The following CFAP54 variants were observed in gnomAD, a reference collection of about 807,000 sequenced individuals.
The protein encoded by CFAP54 is cilia- and flagella-associated protein 54.
A neutral mutation model predicts 370.4 loss-of-function variants in CFAP54; 290 were observed. The observed-to-expected ratio is 0.78, with a 90% CI of 0.71 to 0.86. The LOEUF (loss-of-function observed/expected upper bound fraction) is 0.86. Ranked by LOEUF, CFAP54 falls within the 40% of genes least tolerant of loss-of-function variation. The probability of loss-of-function intolerance (pLI) is 0.00; values close to 1 mark genes in which losing one functional copy is unlikely to be tolerated. For missense variants in CFAP54, 3,399 were observed against 3,528.7 expected, an observed-to-expected ratio of 0.96 and a Z score of 0.93; for synonymous variants, 1,206 against 1,236.5, an observed-to-expected ratio of 0.98 and a Z score of 0.52.
At chr12:96,628,745 C>T (rs1015248396) in intron 30 of CFAP54, among the ~76,000 whole-genome samples, 1 of 152,006 alleles carries the variant, frequency 6.6e-6, no homozygotes, top group Admixed American at 6.6e-5. Context: ...AAAACTGGAG[C>T]GAAGGGACCA....
At chr12:96,782,114 G>A (rs540214869) in intron 60 of CFAP54, among the ~76,000 whole-genome samples, 1 of 152,002 alleles carries the variant, frequency 6.6e-6, no homozygotes, top group East Asian at 1.9e-4. Flanking sequence ...TCAAATAGGT[G>A]CAGAAAAATT....
intron 65 of CFAP54, among the ~76,000 whole-genome samples, chr12:96,826,125 C>A (rs1959099365): frequency 6.9e-6 from 1 of 145,228 alleles, no homozygotes; most frequent in Non-Finnish European, 1.5e-5. Context: ...AATAACTAAG[C>A]AATACTGGTT....
intron 27 of CFAP54, among the ~76,000 whole-genome samples, chr12:96,623,153 G>A (rs1382786720): frequency 6.6e-6 from 1 of 150,622 alleles, no homozygotes; most frequent in African/African-American, 2.4e-5. Flanking sequence ...AATTATTAGA[G>A]CTACTCAAGG....
intron 36 of CFAP54, among the ~76,000 whole-genome samples, chr12:96,653,849 A>G (rs533034846): frequency 6.7e-6 from 1 of 148,848 alleles, no homozygotes; most frequent in Non-Finnish European, 1.5e-5. Flanking sequence ...AATTAAATCT[A>G]GTATACTCAT....
intron 39 of CFAP54, among the ~76,000 whole-genome samples, chr12:96,664,667 A>G (rs1418463622): frequency 1.5e-5 from 2 of 134,946 alleles, no homozygotes; most frequent in East Asian, 4.1e-4. Context: ...TCTTTATAAT[A>G]GAACAATTTA....
At chr12:96,567,280 G>C (rs1326189191) in intron 19 of CFAP54, among the ~76,000 whole-genome samples, 1 of 152,188 alleles carries the variant, frequency 6.6e-6, no homozygotes. Context: ...TGGGGGAGAG[G>C]ATAGTAGCAC....
At position 96,629,604 on chromosome 12, in the gene CFAP54, C is replaced by T. The variant is rs144933643; in HGVS notation, c.4104-489C>T. Among the ~76,000 whole-genome samples, 573 of 152,166 alleles carry T rather than the reference C, an allele frequency of 3.8e-3. 4 individuals carry two copies. Among genetic ancestry groups the T allele is most frequent in the African/African-American group, 0.012 (514 of 41,502 alleles). The stretch of plus-strand genomic sequence containing the variant: ...CTGGGATTACAGACGTGAGCCACCA[C>T]GCCTGGCCTATACATTGTATAATAT... On this transcript the variant is annotated intron_variant, in intron 30 of 67. Transcript: ENST00000524981.
rs1375417093 is a variant in CFAP54 at position 96,598,724 on chromosome 12, G to A, written c.3596G>A (p.Ser1199Asn). 3 of 678,314 alleles carry A rather than the reference G, an allele frequency of 4.4e-6. No homozygotes were observed. Among genetic ancestry groups the A allele is most frequent in the East Asian group, 2.7e-5 (1 of 36,770 alleles). 42.0% of individuals were successfully genotyped at this position (678,314 alleles called of 1,614,324 possible). ...CSKKHTASFE[S>N]IQHMIACCIF... ...AAGAAACATACTGCGAGCTTTGAAA[G>A]TATACAACACATGATAGCTTGTTGT... The change falls in exon 26 of 68, where the codon AGT becomes AAT. Residue 1199 changes from serine to asparagine, a missense_variant. Ser to Asn is a conservative substitution (Grantham distance 46). This residue lies in a region of CFAP54 where 2,796 missense variants were observed against 2,869.7 expected (regional missense o/e 0.97). Coordinates refer to ENST00000524981, the MANE Select transcript of CFAP54 (RefSeq NM_001306084.2).
chr12:96,834,112 T>C (rs925040014), intron 66 of CFAP54, among the ~76,000 whole-genome samples: 5 of 151,680 alleles, frequency 3.3e-5, no homozygotes, highest in African/African-American at 1.2e-4. Context: ...CTGCAGGGAG[T>C]TGAGGAGTAA....
intron 65 of CFAP54, among the ~76,000 whole-genome samples, chr12:96,827,532 G>A (rs199620834): frequency 2.3e-4 from 1 of 4,272 alleles, no homozygotes; most frequent in Non-Finnish European, 2.9e-4. Flanking sequence ...ATAGTGTGCA[G>A]TTATATGTGA....
At chr12:96,693,902 G>C in intron 45 of CFAP54, 94 bp downstream of exon 45, 2 of 745,516 alleles carry the variant, frequency 2.7e-6, no homozygotes, top group Non-Finnish European at 4.3e-6. Flanking sequence ...ATAACAAGCT[G>C]ATAATAACAT....
chr12:96,719,152 G>C (rs1214199942), intron 49 of CFAP54, among the ~76,000 whole-genome samples: 1 of 152,032 alleles, frequency 6.6e-6, no homozygotes, highest in African/African-American at 2.4e-5. Flanking sequence ...GCTTTTGCAT[G>C]ATTATTTAAT....
chr12:96,609,564 A>C (rs1956333652), intron 26 of CFAP54, among the ~76,000 whole-genome samples: 1 of 152,168 alleles, frequency 6.6e-6, no homozygotes, highest in South Asian at 2.1e-4. Flanking sequence ...GAGATTCAGT[A>C]TTTTTAGAGG....
intron 67 of CFAP54, among the ~76,000 whole-genome samples, chr12:96,866,922 T>G (rs1009816677): frequency 5.9e-5 from 9 of 152,180 alleles, no homozygotes; most frequent in African/African-American, 2.2e-4. Flanking sequence ...ATTCCCTAAG[T>G]GTAACATAGA....
intron 2 of CFAP54, among the ~76,000 whole-genome samples, chr12:96,503,613 C>T (rs1387885124): frequency 6.6e-6 from 1 of 152,030 alleles, no homozygotes; most frequent in African/African-American, 2.4e-5. Flanking sequence ...TAGGTATTAC[C>T]ATGCACAGTG....
chr12:96,617,917 G>T (rs1389924198), intron 26 of CFAP54, among the ~76,000 whole-genome samples: 1 of 149,854 alleles, frequency 6.7e-6, no homozygotes, highest in African/African-American at 2.5e-5. Context: ...GTGAACCCGG[G>T]AGGCAGAGCT....
At chr12:96,505,714 G>A (rs1312854855) in intron 3 of CFAP54, among the ~76,000 whole-genome samples, 1 of 152,030 alleles carries the variant, frequency 6.6e-6, no homozygotes, top group Admixed American at 6.6e-5. Flanking sequence ...TGTTGGCCAG[G>A]CTGGTCTCGA....
At chr12:96,845,208 C>G (rs994968773) in intron 66 of CFAP54, among the ~76,000 whole-genome samples, 2 of 152,154 alleles carry the variant, frequency 1.3e-5, no homozygotes, top group Admixed American at 1.3e-4. Flanking sequence ...AAAGAAACAT[C>G]TGGAAATTTG....
At chr12:96,719,675 A>G (rs779607371) in intron 49 of CFAP54, among the ~76,000 whole-genome samples, 10 of 152,228 alleles carry the variant, frequency 6.6e-5, no homozygotes, top group Non-Finnish European at 1.3e-4. Flanking sequence ...GAGCTGCTCA[A>G]TGCACGTATT....
Sources: gnomAD v4.1 joint callset for allele counts (sites outside exome capture counted in the v4.1 genomes callset) on GRCh38, gnomAD v4.1.1 for gene constraint, gnomAD v4.1.1 regional missense constraint, MANE v1.5 for transcripts, NCBI Gene and HGNC (gene_info 2026-07-23, HGNC 2026-07-21) for gene names.